The following GPC3 variants were observed in gnomAD, a reference collection of about 807,000 sequenced individuals.
GPC3 encodes the protein glypican-3.
In GPC3, 3 loss-of-function variants were observed where a neutral mutation model predicts 34.4. The ratio of observed to expected loss-of-function variants is 0.09; its 90% CI spans 0.04 to 0.23. GPC3 has a LOEUF of 0.23. Among genes scored for constraint, GPC3 ranks in the 10% least tolerant of loss-of-function variants. GPC3 has a pLI of 1.00. For missense variants in GPC3, 351 were observed against 445.6 expected, an observed-to-expected ratio of 0.79 and a Z score of 1.91; for synonymous variants, 177 against 174.0, an observed-to-expected ratio of 1.02 and a Z score of -0.13.
At chrX:133,692,564 T>C in intron 4 of GPC3, 70 bp from the exon 5 acceptor site, 1 of 968,306 alleles carries the variant, frequency 1.0e-6, no homozygotes, top group Admixed American at 2.3e-5. Context: ...TTAATTTCCT[T>C]ATCAGCATGA....
intron 2 of GPC3, among the ~76,000 whole-genome samples, chrX:133,756,348 C>T (rs972764100): frequency 1.8e-5 from 2 of 112,136 alleles, no homozygotes; most frequent in African/African-American, 6.5e-5. Context: ...CATTATTTTC[C>T]CATTGGCTTC....
intron 6 of GPC3, among the ~76,000 whole-genome samples, chrX:133,616,809 T>C (rs1365073094): frequency 9.3e-6 from 1 of 107,826 alleles, no homozygotes; most frequent in Non-Finnish European, 1.9e-5. Context: ...GCCATTCTCC[T>C]GCCTCAGCCT....
intron 6 of GPC3, among the ~76,000 whole-genome samples, chrX:133,607,795 T>C (rs949463724): frequency 1.8e-5 from 2 of 112,361 alleles, no homozygotes; most frequent in Non-Finnish European, 3.8e-5. Flanking sequence ...AGGGAGACTC[T>C]TCCCATGAGG....
chrX:133,736,621 A>C (rs2071513503), intron 3 of GPC3, among the ~76,000 whole-genome samples: 1 of 112,378 alleles, frequency 8.9e-6, no homozygotes, highest in Admixed American at 9.4e-5. Flanking sequence ...CAGATGCAAA[A>C]GGCCATATAT....
intron 6 of GPC3, among the ~76,000 whole-genome samples, chrX:133,605,858 A>G (rs1277666882): frequency 8.9e-6 from 1 of 111,838 alleles, no homozygotes; most frequent in Non-Finnish European, 1.9e-5. Context: ...TCCCAGTAAG[A>G]TAAGAGTCTG....
At chrX:133,797,611 T>G (rs1271372129) in intron 2 of GPC3, among the ~76,000 whole-genome samples, 1 of 111,311 alleles carries the variant, frequency 9.0e-6, no homozygotes, top group Non-Finnish European at 1.9e-5. Flanking sequence ...GGCGGATCAC[T>G]TGAAACCAGG....
At chrX:133,902,100 T>C (rs1474207432) in intron 2 of GPC3, among the ~76,000 whole-genome samples, 1 of 112,413 alleles carries the variant, frequency 8.9e-6, no homozygotes, top group Non-Finnish European at 1.9e-5. Context: ...GCCATCTAAA[T>C]AAAAGAATCT....
Position 133,536,031 on chromosome X carries a change from A to C in GPC3, c.*93T>G. ...GGAGGAGGTATACAGGATAACAAAA[A>C]AAAAAAAATAGAAAAAAATAAGAAA... On this transcript the variant is annotated 3_prime_UTR_variant, in exon 8 of 8. Coordinates refer to ENST00000370818, the MANE Select transcript of GPC3 (RefSeq NM_004484.4). 3 of 736,583 alleles carry C rather than the reference A, an allele frequency of 4.1e-6. No individual in the cohort carries two copies. Among genetic ancestry groups the C allele is most frequent in the Middle Eastern group, 4.7e-4 (1 of 2,140 alleles). The allele number at this position is 736,583 out of a possible 1,213,427, so 60.7% of individuals were successfully genotyped here. A position where few individuals can be genotyped will look rare whatever the true frequency, so the allele number is the denominator to read the frequency against.
intron 2 of GPC3, among the ~76,000 whole-genome samples, chrX:133,821,669 C>T (rs1441541410): frequency 9.0e-6 from 1 of 111,429 alleles, no homozygotes; most frequent in Non-Finnish European, 1.9e-5. Context: ...AGGCATTATT[C>T]ATCTTTATAT....
intron 5 of GPC3, among the ~76,000 whole-genome samples, chrX:133,682,026 T>C (rs1321330789): frequency 8.9e-6 from 1 of 112,064 alleles, no homozygotes; most frequent in Admixed American, 9.4e-5. Flanking sequence ...GATTTCAAAC[T>C]TGTATAAATC....
At chrX:133,870,501 T>G (rs1351562256) in intron 2 of GPC3, among the ~76,000 whole-genome samples, 1 of 111,878 alleles carries the variant, frequency 8.9e-6, no homozygotes, top group Non-Finnish European at 1.9e-5. Context: ...TACTTGTCAT[T>G]TCCCAGGGCA....
intron 7 of GPC3, among the ~76,000 whole-genome samples, chrX:133,570,798 G>C (rs1215833288): frequency 9.0e-6 from 1 of 111,106 alleles, no homozygotes; most frequent in African/African-American, 3.3e-5. Flanking sequence ...GTTGGTTCTT[G>C]GCCATCTTTA....
intron 3 of GPC3, among the ~76,000 whole-genome samples, chrX:133,702,880 C>G (rs2071179099): frequency 8.9e-6 from 1 of 112,337 alleles, no homozygotes; most frequent in African/African-American, 3.2e-5. Context: ...ATATACAAAG[C>G]ATTTGTCAAA....
chrX:133,565,721 C>T (rs376232390), intron 7 of GPC3, among the ~76,000 whole-genome samples: 2 of 112,392 alleles, frequency 1.8e-5, no homozygotes, highest in South Asian at 7.5e-4. Context: ...GGGCTCATCC[C>T]CAAAGGACTT....
chrX:133,985,105 T>C (rs1319357716), intron 1 of GPC3, among the ~76,000 whole-genome samples, 170 bp downstream of exon 1: 1 of 111,587 alleles, frequency 9.0e-6, no homozygotes, highest in African/African-American at 3.3e-5. Context: ...ACACCCTCTC[T>C]CCCTCCCTCA....
chrX:133,631,352 T>TGAAGTGA (rs1569401053), intron 6 of GPC3, among the ~76,000 whole-genome samples: 1 of 112,072 alleles, frequency 8.9e-6, no homozygotes, highest in African/African-American at 3.2e-5. Flanking sequence ...AGTCAAACAA[T>TGAAGTGA]ATTTGTCCTT....
chrX:133,925,596 C>T (rs956694125), intron 2 of GPC3, among the ~76,000 whole-genome samples: 2 of 111,862 alleles, frequency 1.8e-5, no homozygotes, highest in Non-Finnish European at 3.8e-5. Context: ...AAAATCTGGG[C>T]TCAAATTTAG....
intron 7 of GPC3, among the ~76,000 whole-genome samples, chrX:133,543,122 C>T (rs1330410392): frequency 9.0e-6 from 1 of 110,963 alleles, no homozygotes; most frequent in Non-Finnish European, 1.9e-5. Flanking sequence ...GCTCATTTAA[C>T]AATCTGCCTT....
chrX:133,948,287 A>C (rs2076377940), intron 2 of GPC3, among the ~76,000 whole-genome samples: 1 of 111,176 alleles, frequency 9.0e-6, no homozygotes, highest in Non-Finnish European at 1.9e-5. Context: ...GAGCTGACAG[A>C]AAAGGGTATT....
Sources: gnomAD v4.1 joint callset for allele counts (sites outside exome capture counted in the v4.1 genomes callset) on GRCh38, gnomAD v4.1.1 for gene constraint, MANE v1.5 for transcripts, NCBI Gene and HGNC (gene_info 2026-07-23, HGNC 2026-07-21) for gene names.